ST3GAL1: variants seen among roughly 807,000 people sequenced by gnomAD.
ST3GAL1 encodes the protein ST3 beta-galactoside alpha-2,3-sialyltransferase 1, also known as CMP-N-acetylneuraminate-beta-galactosamide-alpha-2,3-sialyltransferase 1.
Under a neutral mutation model 34.1 loss-of-function variants are expected in ST3GAL1, and 16 were observed. The ratio of observed to expected loss-of-function variants is 0.47; its 90% CI spans 0.32 to 0.71. The LOEUF (loss-of-function observed/expected upper bound fraction) is 0.71, where lower values mean the gene tolerates loss of function less well. Among genes scored for constraint, ST3GAL1 ranks in the 30% least tolerant of loss-of-function variants. ST3GAL1 has a pLI of 0.04. For synonymous variants in ST3GAL1, 191 were observed against 184.7 expected (o/e 1.03, Z -0.28); for missense variants, 353 against 447.4 (o/e 0.79, Z 1.90).
At chr8:133,551,889 AT>A (rs1255553998) in intron 1 of ST3GAL1, among the ~76,000 whole-genome samples, 5 of 152,336 alleles carry the variant, frequency 3.3e-5, no homozygotes, top group Admixed American at 2.0e-4. Context: ...GTATACTATG[AT>A]TTTCATCATT....
At chr8:133,463,955 C>T (rs1815624241) in intron 7 of ST3GAL1, among the ~76,000 whole-genome samples, 2 of 151,518 alleles carry the variant, frequency 1.3e-5, no homozygotes, top group Non-Finnish European at 2.9e-5. Flanking sequence ...ACCTGGGTCC[C>T]ACCCCACCCC....
intron 2 of ST3GAL1, among the ~76,000 whole-genome samples, chr8:133,513,270 C>T (rs906838903): frequency 2.6e-5 from 4 of 152,192 alleles, no homozygotes; most frequent in African/African-American, 9.6e-5. Context: ...GCAGCGCCCA[C>T]TCTCGCCTCT....
At chr8:133,547,271 A>G (rs1249509437) in intron 1 of ST3GAL1, among the ~76,000 whole-genome samples, 1 of 151,830 alleles carries the variant, frequency 6.6e-6, no homozygotes, top group East Asian at 1.9e-4. Context: ...GCTGCTGAGA[A>G]TCATTCTTTT....
In ST3GAL1 at chr8:133,551,603, A is replaced by AAAGG. The variant is rs1554619959; in HGVS notation, c.-581-5678_-581-5677insCCTT. ...GAAAGAAAGAAAGAAAGAAAGAAAG[A>AAAGG]AAGAAAGAAAGAAAGAGCGAGCAAG... On this transcript the variant is annotated intron_variant, in intron 1 of 9. Transcript: ENST00000522652. Among the ~76,000 whole-genome samples, 775 of 149,598 alleles carry AAAGG rather than the reference A, an allele frequency of 5.2e-3. 16 individuals carry two copies. The highest frequency in any genetic ancestry group is 0.018 in the African/African-American group (704 of 39,562).
At chr8:133,562,519 C>A (rs181642930) in intron 1 of ST3GAL1, among the ~76,000 whole-genome samples, 17 of 152,244 alleles carry the variant, frequency 1.1e-4, no homozygotes, top group Non-Finnish European at 2.4e-4. Flanking sequence ...GAATCCACAT[C>A]TTTATCTGCA....
At chr8:133,490,741 G>A (rs764666194) in intron 3 of ST3GAL1, among the ~76,000 whole-genome samples, 1 of 152,216 alleles carries the variant, frequency 6.6e-6, no homozygotes, top group Non-Finnish European at 1.5e-5. Flanking sequence ...CCTGAGGAAC[G>A]TGGACTTGGG....
chr8:133,513,688 G>A (rs991052250), intron 2 of ST3GAL1, among the ~76,000 whole-genome samples: 4 of 152,128 alleles, frequency 2.6e-5, no homozygotes, highest in African/African-American at 9.7e-5. Flanking sequence ...AAGGTCAGGA[G>A]TTCAAGACCA....
At chr8:133,502,472 C>T (rs1037736731) in intron 2 of ST3GAL1, among the ~76,000 whole-genome samples, 22 of 150,334 alleles carry the variant, frequency 1.5e-4, no homozygotes, top group African/African-American at 5.4e-4. Context: ...ACCATATGCA[C>T]ATAAGAAAGC....
chr8:133,508,775 G>T lies in ST3GAL1; in HGVS notation c.-428-9586C>A, dbSNP rs1293942009. Reference sequence around the variant, plus strand: ...TTTGGGATACTGGAGATACAATGAGGAGTGAAATATATAGTCCCTCTCTGA... The same window carrying T: ...TTTGGGATACTGGAGATACAATGAGTAGTGAAATATATAGTCCCTCTCTGA... On this transcript the variant is annotated intron_variant, in intron 2 of 9. Transcript: ENST00000522652. This position sits in a 1 kb window ranked among gnomAD's most constrained non-coding sequence, Gnocchi z 4.1. Among the ~76,000 whole-genome samples the T allele has an allele frequency of 6.6e-6, 1 of 152,122 alleles. No homozygotes were observed. The highest frequency in any genetic ancestry group is 1.9e-4 in the East Asian group (1 of 5,194).
rs939989850 is a variant in ST3GAL1 at position 133,526,699 on chromosome 8, G to A, written c.-429+19075C>T. On this transcript the variant is annotated intron_variant, in intron 2 of 9. Transcript: ENST00000522652. Reference sequence around the variant, plus strand: ...GTGCCTGGGGTAGAAATAGCCTGACGTTGCTTCCTGGATGGACCTAGAATG... The same window carrying A: ...GTGCCTGGGGTAGAAATAGCCTGACATTGCTTCCTGGATGGACCTAGAATG... Among the ~76,000 whole-genome samples, 4 of 152,182 alleles carry A rather than the reference G, an allele frequency of 2.6e-5. No homozygotes were observed. In the East Asian group the frequency reaches 7.7e-4, roughly 29 times the overall value.
At chr8:133,513,940 T>C (rs1817570647) in intron 2 of ST3GAL1, among the ~76,000 whole-genome samples, 1 of 151,510 alleles carries the variant, frequency 6.6e-6, no homozygotes, top group Non-Finnish European at 1.5e-5. Context: ...ATCCCTGTGC[T>C]AAGAGACTAA....
intron 2 of ST3GAL1, among the ~76,000 whole-genome samples, chr8:133,501,513 C>T (rs980215926): frequency 1.3e-5 from 2 of 151,900 alleles, no homozygotes; most frequent in Admixed American, 6.6e-5. Context: ...TTTAGAAGGT[C>T]GAGGTGGGCG....
At chr8:133,495,391 T>C (rs1312850643) in intron 3 of ST3GAL1, among the ~76,000 whole-genome samples, 1 of 152,234 alleles carries the variant, frequency 6.6e-6, no homozygotes, top group East Asian at 1.9e-4. Flanking sequence ...AAGTAGGCAT[T>C]ATCCCCATCT....
chr8:133,454,899 A>G lies in ST3GAL1; in HGVS notation c.*4865T>C, dbSNP rs1403730649. 2 of 152,258 alleles carry G rather than the reference A, an allele frequency of 1.3e-5. No homozygotes were observed. The highest frequency in any genetic ancestry group is 4.8e-5 in the African/African-American group (2 of 41,462). 9.4% of individuals were successfully genotyped at this position (152,258 alleles called of 1,614,324 possible). On this transcript the variant is annotated 3_prime_UTR_variant, in exon 10 of 10. Transcript: ENST00000522652. Reference sequence around the variant, plus strand: ...CACTTTGATTTGGATCATTGGAAATATTAAACAATAAATAAAACAGAGCGG... The same window carrying G: ...CACTTTGATTTGGATCATTGGAAATGTTAAACAATAAATAAAACAGAGCGG...
At chr8:133,536,254 C>A (rs1234298731) in intron 2 of ST3GAL1, among the ~76,000 whole-genome samples, 1 of 152,104 alleles carries the variant, frequency 6.6e-6, no homozygotes, top group Non-Finnish European at 1.5e-5. Context: ...ACGTGGTGAG[C>A]CTTGTCCTTT....
rs143501110 is a variant in ST3GAL1 at position 133,504,709 on chromosome 8, CAG to C, written c.-428-5522_-428-5521del. ...AGGACCTTCTATGGTCGAGAAGAGACAGGGGAATTCAGCATAGGTTGGGCTGG... is the reference window on the plus strand; with the variant it reads ...AGGACCTTCTATGGTCGAGAAGAGACGGGAATTCAGCATAGGTTGGGCTGG... On this transcript the variant is annotated intron_variant, in intron 2 of 9. Transcript: ENST00000522652. Among the ~76,000 whole-genome samples, 378 of 152,160 alleles carry C rather than the reference CAG, an allele frequency of 2.5e-3. 2 individuals are homozygous for C. The highest frequency in any genetic ancestry group is 8.7e-3 in the African/African-American group (360 of 41,496).
chr8:133,553,311 G>C (rs1818913741), intron 1 of ST3GAL1, among the ~76,000 whole-genome samples: 1 of 152,108 alleles, frequency 6.6e-6, no homozygotes, highest in Non-Finnish European at 1.5e-5. Flanking sequence ...CTGTACCCCA[G>C]CATCCAAACC....
intron 8 of ST3GAL1, among the ~76,000 whole-genome samples, chr8:133,462,827 G>A (rs968801401): frequency 1.3e-5 from 2 of 152,222 alleles, no homozygotes; most frequent in Non-Finnish European, 2.9e-5. Flanking sequence ...CAAGATGCTG[G>A]AGGCACGGGG....
rs1815731821 is a variant in ST3GAL1 at position 133,466,287 on chromosome 8, A to C, written c.307-197T>G. On this transcript the variant is annotated intron_variant, in intron 5 of 9. Transcript: ENST00000522652. The surrounding 1 kb of genome is among the most constrained non-coding windows in gnomAD (Gnocchi z 4.4). ...TCAAGGAGACTAAGGGTTACTCAGG[A>C]AGTAAAGAGAGCATTCATGTATTCT... Among the ~76,000 whole-genome samples, 1 of 152,164 alleles carries C rather than the reference A, an allele frequency of 6.6e-6. No individual in the cohort carries two copies. Among genetic ancestry groups the C allele is most frequent in the African/African-American group, 2.4e-5 (1 of 41,434 alleles).
Sources: gnomAD v4.1 joint callset for allele counts (sites outside exome capture counted in the v4.1 genomes callset) on GRCh38, gnomAD v4.1.1 for gene constraint, Gnocchi (gnomAD v3.1) non-coding constraint, MANE v1.5 for transcripts, NCBI Gene and HGNC (gene_info 2026-07-23, HGNC 2026-07-21) for gene names.